Variants in ATP2C2 observed in about 807,000 individuals in gnomAD.
The protein encoded by ATP2C2 is ATPase secretory pathway Ca2+ transporting 2, also known as calcium-transporting ATPase type 2C member 2.
ATP2C2 carries 171 observed loss-of-function variants against 110.8 expected under a neutral mutation model. The ratio of observed to expected loss-of-function variants is 1.54; its 90% confidence interval spans 1.36 to 1.75. The LOEUF (loss-of-function observed/expected upper bound fraction) is 1.75, where lower values mean the gene tolerates loss of function less well. ATP2C2 is among the 40% of genes most tolerant of loss of function. The pLI is 0.00. For missense variants in ATP2C2, 1,963 were observed against 1,235.0 expected (o/e 1.59, Z -8.84); for synonymous variants, 804 against 508.4 (o/e 1.58, Z -7.82).
intron 7 of ATP2C2, among the ~76,000 whole-genome samples, chr16:84,418,731 C>T (rs1469716578): frequency 6.6e-6 from 1 of 152,198 alleles, no homozygotes; most frequent in African/African-American, 2.4e-5. Context: ...TTCTCTCTCT[C>T]CCTGTGAGCA....
intron 4 of ATP2C2, among the ~76,000 whole-genome samples, chr16:84,410,070 A>T (rs772331058): frequency 6.6e-6 from 1 of 152,106 alleles, no homozygotes; most frequent in Non-Finnish European, 1.5e-5. Context: ...TTAGCAGGGC[A>T]TGGTGGCATG....
Position 84,460,850 on chromosome 16 carries a change from G to A in ATP2C2, c.2481+49G>A, listed in dbSNP as rs371547493. ...GTTCTCCAAGCCCTGGTGCGGTGCA[G>A]ACGCTGGGGACTGCAGTCCCTGCCC... On this transcript the variant is annotated intron_variant, in intron 24 of 26. Transcript: ENST00000262429. The A allele has an allele frequency of 5.8e-6, 9 of 1,558,654 alleles. No homozygotes were observed. The Admixed American group carries it at 1.7e-4, about 29-fold the overall frequency.
intron 11 of ATP2C2, among the ~76,000 whole-genome samples, chr16:84,434,764 C>T (rs770064096): frequency 1.3e-5 from 2 of 152,010 alleles, no homozygotes; most frequent in Non-Finnish European, 2.9e-5. Flanking sequence ...GTGTTCCATC[C>T]GTTTCTGCGT....
intron 24 of ATP2C2, 156 bp downstream of exon 24, chr16:84,460,957 G>A (rs1435502584): frequency 4.6e-6 from 5 of 1,096,054 alleles, no homozygotes; most frequent in Non-Finnish European, 6.3e-6. Context: ...TGGGGTGCAT[G>A]AGGCAAAGGG....
chr16:84,418,298 C>T (rs929325608), intron 7 of ATP2C2, among the ~76,000 whole-genome samples: 6 of 152,074 alleles, frequency 3.9e-5, no homozygotes, highest in Non-Finnish European at 8.8e-5. Flanking sequence ...TCTGTTCCCC[C>T]GACTCTATTT....
chr16:84,368,624 G>A lies in ATP2C2; in HGVS notation c.9G>A (p.Glu3=). The change falls in exon 1 of 27, where the codon GAG becomes GAA. Residue 3 remains glutamate, a synonymous_variant. Transcript: ENST00000262429. ...GCCTGCGCCCGCTCACCATGGTCGA[G>A]GGACGCGTCTCCGAGTTCCTGAAGA... MV[E]GRVSEFLKKL... is the part of the protein sequence containing the mutation. 1 of 1,559,898 alleles carries A rather than the reference G, an allele frequency of 6.4e-7. No homozygotes were observed. Among genetic ancestry groups the A allele is most frequent in the Non-Finnish European group, 8.7e-7 (1 of 1,153,264 alleles).
intron 1 of ATP2C2, among the ~76,000 whole-genome samples, chr16:84,385,585 T>C (rs532745866): frequency 6.6e-6 from 1 of 152,370 alleles, no homozygotes; most frequent in African/African-American, 2.4e-5. Context: ...ACTCTCATGC[T>C]GCTATGAAGA....
intron 17 of ATP2C2, among the ~76,000 whole-genome samples, chr16:84,450,841 C>CG (rs1910193393): frequency 6.6e-6 from 1 of 152,058 alleles, no homozygotes; most frequent in Non-Finnish European, 1.5e-5. Context: ...CTGTACCGCG[C>CG]CCCCAAGACT....
rs905037492 is a variant in ATP2C2 at position 84,464,030 on chromosome 16, A to C, written c.*298A>C. 1.6e-5 allele frequency: 4 copies of C among 255,842 alleles called. No homozygotes were observed. Among genetic ancestry groups the C allele is most frequent in the Non-Finnish European group, 2.2e-5 (3 of 133,522 alleles). The allele number at this position is 255,842 out of a possible 1,614,324, so 15.8% of individuals were successfully genotyped here. ...ATGTCTAACTACGTATCTGTGCCAC[A>C]GCTTGCAGTGAGGCAGGCCACTCGT... On this transcript the variant is annotated 3_prime_UTR_variant, in exon 27 of 27. Coordinates refer to ENST00000262429, the MANE Select transcript of ATP2C2 (RefSeq NM_014861.4).
intron 2 of ATP2C2, among the ~76,000 whole-genome samples, chr16:84,403,004 A>G (rs1189986464): frequency 6.6e-6 from 1 of 152,054 alleles, no homozygotes; most frequent in African/African-American, 2.4e-5. Context: ...TCATGGTTCC[A>G]TCTTGGTAGG....
chr16:84,436,763 G>GTTT (rs10651589), intron 11 of ATP2C2, among the ~76,000 whole-genome samples: 68,843 of 123,830 alleles, frequency 0.56, 20,681 homozygotes, highest in Non-Finnish European at 0.66. Flanking sequence ...AGCGAAGGCT[G>GTTT]TTTTTTTTTT....
chr16:84,398,870 C>G (rs563756511), intron 2 of ATP2C2, among the ~76,000 whole-genome samples: 4 of 152,150 alleles, frequency 2.6e-5, no homozygotes, highest in African/African-American at 9.7e-5. Flanking sequence ...TCTCTTCAGC[C>G]TCACATTTCT....
At chr16:84,448,940 G>A (rs1246534879) in intron 17 of ATP2C2, among the ~76,000 whole-genome samples, 1 of 152,184 alleles carries the variant, frequency 6.6e-6, no homozygotes, top group African/African-American at 2.4e-5. Context: ...AGTTTCCTAA[G>A]GCAGGTGAAT....
intron 17 of ATP2C2, 61 bp from the exon 18 acceptor site, chr16:84,451,860 A>C (rs1439536498): frequency 4.0e-6 from 6 of 1,504,032 alleles, no homozygotes; most frequent in African/African-American, 1.4e-5. Flanking sequence ...AACAACCAAC[A>C]ACAAAAAACG....
intron 1 of ATP2C2, among the ~76,000 whole-genome samples, chr16:84,378,785 G>A (rs1910401111): frequency 6.6e-6 from 1 of 152,220 alleles, no homozygotes; most frequent in African/African-American, 2.4e-5. Context: ...GAAGGCGGCA[G>A]CAGAGATTGA....
chr16:84,459,099 A>G (rs1910982171), intron 21 of ATP2C2, 21 bp from the exon 22 acceptor site: 1 of 1,613,804 alleles, frequency 6.2e-7, no homozygotes, highest in Non-Finnish European at 8.5e-7. Flanking sequence ...TCCGTGAGTA[A>G]ATGGCTCTCT....
At chr16:84,459,415 G>A in intron 23 of ATP2C2, 29 bp downstream of exon 23, 1 of 1,609,982 alleles carries the variant, frequency 6.2e-7, no homozygotes, top group Non-Finnish European at 8.5e-7. Context: ...GGAGCCCTGT[G>A]TCTCTTTACC....
chr16:84,406,581 A>G (rs1368074414), intron 3 of ATP2C2: 1 of 985,412 alleles, frequency 1.0e-6, no homozygotes, highest in Non-Finnish European at 1.2e-6. Context: ...CTCCCTGATC[A>G]AGGCTCAGTT....
chr16:84,441,889 C>G (rs537111487), intron 14 of ATP2C2, among the ~76,000 whole-genome samples: 141 of 152,194 alleles, frequency 9.3e-4, no homozygotes, highest in Middle Eastern at 3.4e-3. Flanking sequence ...TGCCACTGCA[C>G]TCCACCCTGG....
Sources: gnomAD v4.1 joint callset for allele counts (sites outside exome capture counted in the v4.1 genomes callset) on GRCh38, gnomAD v4.1.1 for gene constraint, MANE v1.5 for transcripts, NCBI Gene and HGNC (gene_info 2026-07-23, HGNC 2026-07-21) for gene names.